DCTN1: variants seen among roughly 807,000 people sequenced by gnomAD.
DCTN1 encodes dynactin subunit 1.
Under a neutral mutation model 161.2 loss-of-function variants are expected in DCTN1, and 61 were observed. That is an observed-to-expected ratio of 0.38 (90% CI 0.31 to 0.47). DCTN1 has a LOEUF of 0.47. Among genes scored for constraint, DCTN1 ranks in the 20% least tolerant of loss-of-function variants. DCTN1 has a pLI of 0.99. For synonymous variants in DCTN1, 653 were observed against 632.4 expected (o/e 1.03, Z -0.49); for missense variants, 1,404 against 1,623.7 (o/e 0.86, Z 2.33).
intron 1 of DCTN1, 68 bp downstream of exon 1, chr2:74,379,937 T>G: frequency 2.0e-6 from 3 of 1,512,302 alleles, no homozygotes; most frequent in Non-Finnish European, 2.8e-6. Context: ...CCCACAGCAA[T>G]GATGTCCACA....
chr2:74,366,481 A>T lies in DCTN1; in HGVS notation c.2606T>A (p.Leu869Gln). The change falls in exon 22 of 32, where the codon CTG becomes CAG. Residue 869 changes from leucine to glutamine, a missense_variant. Coordinates refer to ENST00000628224, the MANE Select transcript of DCTN1 (RefSeq NM_004082.5). ...EGLLVAALEELAFKASEQIYG... is the reference protein window; with the variant it reads ...EGLLVAALEEQAFKASEQIYG... Reference sequence around the variant, plus strand: ...CACCTGCTCGCTTGCTTTGAAAGCCAGTTCCTCCAGAGCAGCCACAAGTAG... The same window carrying T: ...CACCTGCTCGCTTGCTTTGAAAGCCTGTTCCTCCAGAGCAGCCACAAGTAG... 2 of 1,614,210 alleles carry T rather than the reference A, an allele frequency of 1.2e-6. No homozygotes were observed. Among genetic ancestry groups the T allele is most frequent in the Non-Finnish European group, 1.7e-6 (2 of 1,180,020 alleles).
At chr2:74,376,027 G>C (rs75983294) in intron 5 of DCTN1, among the ~76,000 whole-genome samples, 509 of 152,282 alleles carry the variant, frequency 3.3e-3, no homozygotes, top group African/African-American at 0.012. Flanking sequence ...CCCAAGGCAG[G>C]GGCTGGTTTG....
Position 74,379,940 on chromosome 2 carries a change from T to C in DCTN1, c.33+65A>G. On this transcript the variant is annotated intron_variant, in intron 1 of 31. Coordinates refer to ENST00000628224, the MANE Select transcript of DCTN1 (RefSeq NM_004082.5). ...ATCTCCCCAGCCCCCACAGCAATGA[T>C]GTCCACAGGCAGCCAGGCCTTCCCC... 1.2e-5 allele frequency: 19 copies of C among 1,523,350 alleles called. No individual in the cohort carries two copies. The South Asian group carries it at 1.9e-4, about 15-fold the overall frequency. 94.4% of individuals were successfully genotyped at this position (1,523,350 alleles called of 1,614,324 possible). A position where few individuals can be genotyped will look rare whatever the true frequency, so the allele number is the denominator to read the frequency against.
intron 6 of DCTN1, chr2:74,374,044 C>T (rs560919530): frequency 8.2e-5 from 39 of 477,840 alleles, no homozygotes; most frequent in African/African-American, 5.1e-4. Context: ...CTCCCAGATC[C>T]GGTATGCGGT....
Position 74,374,336 on chromosome 2 carries a change from G to A in DCTN1, c.419C>T (p.Pro140Leu), listed in dbSNP as rs147939455. Residue 140 changes from proline to leucine, a missense_variant, in exon 6 of 32, where the codon CCG (proline) becomes CTG (leucine). Physicochemically the swap from Pro to Leu is moderately conservative, Grantham distance 98. This residue lies in a region of DCTN1 where 174 missense variants were observed against 175.6 expected (regional missense o/e 0.99). Transcript: ENST00000628224. ...KLRGLKPKKA[P>L]TARKTTTRRP... ...AAGCAAGAGTACCTTTCGGGCTGTCGGTGCCTGTCTCATCATTGCAGAAAA... is the reference window on the plus strand; with the variant it reads ...AAGCAAGAGTACCTTTCGGGCTGTCAGTGCCTGTCTCATCATTGCAGAAAA... The A allele has an allele frequency of 3.7e-6, 6 of 1,613,122 alleles. No homozygotes were observed. Among genetic ancestry groups the A allele is most frequent in the African/African-American group, 1.3e-5 (1 of 74,782 alleles).
At position 74,363,009 on chromosome 2, in the gene DCTN1, T is replaced by C. The variant is rs765622589; in HGVS notation, c.3514A>G (p.Thr1172Ala). ...AGGTACATACCAGGGCTGGTGCGAGTGATGTCTACTACGTGCGTGTGTGTG... is the reference window on the plus strand; with the variant it reads ...AGGTACATACCAGGGCTGGTGCGAGCGATGTCTACTACGTGCGTGTGTGTG... ...LSTHTHVVDI[T>A]RTSPAAKSPS... Residue 1172 changes from threonine (T) to alanine (A), a missense_variant, in exon 29 of 32, where the codon ACT becomes GCT. By Grantham distance (58) the Thr-to-Ala change is moderately conservative. Around this residue, in one of 9 missense-constraint regions of DCTN1, gnomAD observed 311 missense variants for 298.9 expected, o/e 1.04. Transcript: ENST00000628224. 1 of 1,612,930 alleles carries C rather than the reference T, an allele frequency of 6.2e-7. No homozygotes were observed. Among genetic ancestry groups the C allele is most frequent in the East Asian group, 2.2e-5 (1 of 44,866 alleles).
At position 74,361,892 on chromosome 2, in the gene DCTN1, A is replaced by G. The variant is rs741788; in HGVS notation, c.3699+160T>C. Among the ~76,000 whole-genome samples, 19,445 of 152,212 alleles carry G rather than the reference A, an allele frequency of 0.13. 1,631 individuals are homozygous for G. The highest frequency in any genetic ancestry group is 0.46 in the East Asian group (2,381 of 5,164). On this transcript the variant is annotated intron_variant, in intron 31 of 31. Transcript: ENST00000628224. ...AAATATTGGAATTTCAAAGCACTGT[A>G]AGCACTTCTGAGTTACTTGTAAGTA...
At chr2:74,391,674 G>T in intron 1 of DCTN1, 1 of 384,880 alleles carries the variant, frequency 2.6e-6, no homozygotes, top group Non-Finnish European at 5.1e-6. Flanking sequence ...CCCGACAAGC[G>T]CCCACCCCTG....
chr2:74,370,439 A>G lies in DCTN1; in HGVS notation c.1127+27T>C. 1 of 1,614,162 alleles carries G rather than the reference A, an allele frequency of 6.2e-7. No individual in the cohort carries two copies. The highest frequency in any genetic ancestry group is 1.1e-5 in the South Asian group (1 of 91,060). ...CACATTTGGAGACACAAGAGTAAGC[A>G]TCAGAGGCAAGCACTGAAGACCCTA... is the stretch of plus-strand genomic sequence containing the variant. On this transcript the variant is annotated intron_variant, in intron 11 of 31. Transcript: ENST00000628224. This position sits in a 1 kb window ranked among gnomAD's most constrained non-coding sequence, Gnocchi z 4.4.
chr2:74,371,462 A>G, intron 8 of DCTN1, 75 bp downstream of exon 8: 1 of 1,452,816 alleles, frequency 6.9e-7, no homozygotes. Context: ...AACCCCAGGA[A>G]ATTTTCAAGA....
intron 1 of DCTN1, among the ~76,000 whole-genome samples, chr2:74,389,096 T>G (rs1675877060): frequency 6.6e-6 from 1 of 152,008 alleles, no homozygotes; most frequent in Non-Finnish European, 1.5e-5. Flanking sequence ...GCAAATCTCC[T>G]GGGAAACAGC....
chr2:74,378,288 C>A, intron 1 of DCTN1, 43 bp from the exon 2 acceptor site: 1 of 1,598,718 alleles, frequency 6.3e-7, no homozygotes, highest in South Asian at 1.1e-5. Flanking sequence ...GGCCTCAGAT[C>A]AAAGGTGGCA....
At chr2:74,362,515 C>G in intron 30 of DCTN1, 135 bp downstream of exon 30, 1 of 911,920 alleles carries the variant, frequency 1.1e-6, no homozygotes, top group Non-Finnish European at 1.7e-6. Flanking sequence ...GCTTCCAAGG[C>G]AAGAACCCTG....
At position 74,380,006 on chromosome 2, in the gene DCTN1, C is replaced by T. The variant is rs749196418; in HGVS notation, c.32G>A (p.Arg11Gln). Residue 11 changes from arginine to glutamine, a missense_variant and splice_region_variant, in exon 1 of 32, where the codon CGG becomes CAG. Around this residue, in one of 9 missense-constraint regions of DCTN1, gnomAD observed 53 missense variants for 54.4 expected, o/e 0.97. Transcript: ENST00000628224. MAQSKRHVYS[R>Q]TPSGSRMSAE... ...CCATCCCAGATTAGGGCCACTTACC[C>T]GGCTGTACACGTGCCTCTTGCTCTG... The T allele has an allele frequency of 1.9e-6, 3 of 1,614,180 alleles. No individual in the cohort carries two copies. Among genetic ancestry groups the T allele is most frequent in the South Asian group, 1.1e-5 (1 of 91,088 alleles).
At chr2:74,378,871 C>T (rs1191918943) in intron 1 of DCTN1, 2 of 156,670 alleles carry the variant, frequency 1.3e-5, no homozygotes, top group African/African-American at 4.8e-5. Context: ...GATGCTTCAC[C>T]ACAGCCCATT....
In DCTN1 at chr2:74,370,568, C is replaced by T. The variant is rs761866322; in HGVS notation, c.1049-24G>A. The T allele has an allele frequency of 5.0e-6, 8 of 1,613,988 alleles. No individual in the cohort carries two copies. In the South Asian group the frequency reaches 8.8e-5, roughly 18 times the overall value. On this transcript the variant is annotated intron_variant, in intron 10 of 31. Transcript: ENST00000628224. This position sits in a 1 kb window ranked among gnomAD's most constrained non-coding sequence, Gnocchi z 4.4. ...GCCTGGAGAAGATCATTAACACTTTCAGGCATGGTTCTCACCTGACCGTTT... is the reference window on the plus strand; with the variant it reads ...GCCTGGAGAAGATCATTAACACTTTTAGGCATGGTTCTCACCTGACCGTTT...
At chr2:74,374,396 G>C (rs1370211845) in intron 5 of DCTN1, 56 bp from the exon 6 acceptor site, 2 of 1,611,256 alleles carry the variant, frequency 1.2e-6, no homozygotes, top group Non-Finnish European at 1.7e-6. Context: ...AGGAGGGACA[G>C]AGGAGGATAG....
chr2:74,384,372 C>T (rs1675639326), upstream of DCTN1, among the ~76,000 whole-genome samples: 1 of 152,204 alleles, frequency 6.6e-6, no homozygotes, highest in African/African-American at 2.4e-5. Context: ...CACAGCATTA[C>T]CGGGCCCAGG....
chr2:74,379,933 G>A (rs375408944), intron 1 of DCTN1, 72 bp downstream of exon 1: 58 of 1,491,582 alleles, frequency 3.9e-5, no homozygotes, highest in Admixed American at 3.0e-4. Flanking sequence ...AGCCCCCACA[G>A]CAATGATGTC....
Sources: allele counts gnomAD v4.1 joint callset (sites outside exome capture counted in the v4.1 genomes callset), GRCh38; gene constraint gnomAD v4.1.1; regional missense constraint gnomAD v4.1.1; non-coding constraint Gnocchi (gnomAD v3.1); transcripts MANE v1.5; gene names NCBI Gene and HGNC (gene_info 2026-07-23, HGNC 2026-07-21).